MACF1: variants seen among roughly 807,000 people sequenced by gnomAD.
MACF1 encodes the protein microtubule-actin cross-linking factor 1.
A neutral mutation model predicts 854.8 loss-of-function variants in MACF1; 193 were observed. The observed-to-expected ratio is 0.23, with a 90% confidence interval of 0.20 to 0.25. The LOEUF (loss-of-function observed/expected upper bound fraction) is 0.25. MACF1 is among the 10% of genes least tolerant of loss of function. The probability of loss-of-function intolerance (pLI) is 1.00; values close to 1 mark genes in which losing one functional copy is unlikely to be tolerated. For synonymous variants in MACF1, 3,185 were observed against 3,226.7 expected (o/e 0.99, Z 0.44); for missense variants, 7,722 against 8,929.1 (o/e 0.86, Z 5.45).
intron 2 of MACF1, among the ~76,000 whole-genome samples, chr1:39,232,944 G>A (rs924783510): frequency 4.0e-5 from 6 of 151,588 alleles, no homozygotes; most frequent in East Asian, 1.9e-4. Flanking sequence ...TACCACACCC[G>A]GCTAATTTTT....
In MACF1 at chr1:39,347,293, C is replaced by T. The variant is rs572365630; in HGVS notation, c.10815+83C>T. 687 of 1,041,676 alleles carry T rather than the reference C, an allele frequency of 6.6e-4. 3 individuals are homozygous for T. Among genetic ancestry groups the T allele is most frequent in the Non-Finnish European group, 9.1e-4 (618 of 681,994 alleles). 64.5% of individuals were successfully genotyped at this position (1,041,676 alleles called of 1,614,324 possible). A position where few individuals can be genotyped will look rare whatever the true frequency, so the allele number is the denominator to read the frequency against. The stretch of plus-strand genomic sequence containing the variant: ...GGTTTTCTGGCCAGACTCTGTGTAT[C>T]ATGATTGCAGGAGCCTGGGTTTACC... On this transcript the variant is annotated intron_variant, in intron 41 of 100. Transcript: ENST00000564288.
At chr1:39,202,953 T>C (rs1644410447), upstream of MACF1, among the ~76,000 whole-genome samples, 1 of 152,136 alleles carries the variant, frequency 6.6e-6, no homozygotes, top group Non-Finnish European at 1.5e-5. Context: ...AGTGGTCCCG[T>C]CAAGGCCCCT....
At chr1:39,237,375 A>G (rs1002870320) in intron 2 of MACF1, among the ~76,000 whole-genome samples, 54 of 152,200 alleles carry the variant, frequency 3.5e-4, no homozygotes, top group Non-Finnish European at 5.1e-4. Flanking sequence ...TACAGTACTC[A>G]TTGAGGACTG....
At chr1:39,364,027 T>G (rs1488305893) in intron 49 of MACF1, among the ~76,000 whole-genome samples, 1 of 152,224 alleles carries the variant, frequency 6.6e-6, no homozygotes, top group Non-Finnish European at 1.5e-5. Context: ...TCAGAATAAG[T>G]TCCTAGAGTG....
rs189336549 is a variant in MACF1 at position 39,346,083 on chromosome 1, G to T, written c.10582-894G>T. ...GACTCTGTTTGAAAAAAAAAAAAAG[G>T]CCAGGCATGGTGGCTCACGCCTGTA... On this transcript the variant is annotated intron_variant, in intron 40 of 100. Coordinates refer to ENST00000564288, the MANE Select transcript of MACF1 (RefSeq NM_001394062.1). Among the ~76,000 whole-genome samples the T allele has an allele frequency of 2.7e-3, 403 of 150,802 alleles. 3 individuals carry two copies. The highest frequency in any genetic ancestry group is 4.4e-3 in the Non-Finnish European group (300 of 67,698).
chr1:39,266,841 G>A (rs1367197294), intron 6 of MACF1, among the ~76,000 whole-genome samples: 1 of 152,050 alleles, frequency 6.6e-6, no homozygotes, highest in Admixed American at 6.5e-5. Context: ...AAAAAAATTG[G>A]GGTGGAGGAA....
intron 68 of MACF1, among the ~76,000 whole-genome samples, chr1:39,433,536 G>GGATTGGTCAA (rs1643910578): frequency 6.6e-6 from 1 of 152,104 alleles, no homozygotes; most frequent in African/African-American, 2.4e-5. Flanking sequence ...AGTTTTAAAA[G>GGATTGGTCAA]GATTGGTCAA....
chr1:39,473,676 C>G (rs1447706357), intron 97 of MACF1, among the ~76,000 whole-genome samples: 3 of 143,816 alleles, frequency 2.1e-5, no homozygotes, highest in Non-Finnish European at 4.5e-5. Context: ...ATGAAGGTTG[C>G]GAGATCCATT....
At chr1:39,469,687 A>G (rs1221887634) in intron 97 of MACF1, 72 bp downstream of exon 97, 1 of 1,193,206 alleles carries the variant, frequency 8.4e-7, no homozygotes, top group Non-Finnish European at 1.2e-6. Flanking sequence ...CTTAAACTGT[A>G]ACATCTCTTG....
At chr1:39,369,701 G>C (rs2148534907) in intron 50 of MACF1, among the ~76,000 whole-genome samples, 1 of 152,316 alleles carries the variant, frequency 6.6e-6, no homozygotes, top group Admixed American at 6.5e-5. Flanking sequence ...AGCAGGGCCG[G>C]AATTGAGATC....
chr1:39,360,731 G>C, intron 47 of MACF1, 62 bp from the exon 48 acceptor site: 1 of 672,336 alleles, frequency 1.5e-6, no homozygotes, highest in Non-Finnish European at 2.3e-6. Context: ...TAATAATAAA[G>C]TCTTTAAAAG....
Position 39,154,632 on chromosome 1 carries a change from A to G in MACF1, c.220+70194A>G, listed in dbSNP as rs575343916. Reference sequence around the variant, plus strand: ...ATTGGTCTAGATCTTTCTCCTCGATAGTAACTGTCTGCTGACAGACTTGCC... The same window carrying G: ...ATTGGTCTAGATCTTTCTCCTCGATGGTAACTGTCTGCTGACAGACTTGCC... On this transcript the variant is annotated intron_variant, in intron 2 of 93. Coordinates refer to the MACF1 transcript ENST00000361689. 3.9e-5 allele frequency among the ~76,000 whole-genome samples: 6 copies of G among 152,254 alleles called. No homozygotes were observed. In the South Asian group the frequency reaches 1.2e-3, roughly 32 times the overall value.
At chr1:39,098,176 A>C (rs1641982122) in intron 2 of MACF1, among the ~76,000 whole-genome samples, 1 of 152,206 alleles carries the variant, frequency 6.6e-6, no homozygotes, top group South Asian at 2.1e-4. Flanking sequence ...ACTGACAAAG[A>C]AGCTGGGAGA....
At position 39,353,196 on chromosome 1, in the gene MACF1, C is replaced by A; in HGVS notation, c.11389C>A (p.Pro3797Thr). ...TGGTTACATGGGGGTGAATCAAGCC[C>A]CAGAGAAACTGGACAAGCAATGTGA... is the stretch of plus-strand genomic sequence containing the variant. ...TDGYMGVNQA[P>T]EKLDKQCEMM... Residue 3797 changes from proline (P) to threonine (T), a missense_variant, in exon 44 of 101, where the codon CCA becomes ACA. Coordinates refer to ENST00000564288, the MANE Select transcript of MACF1 (RefSeq NM_001394062.1). The A allele has an allele frequency of 6.2e-7, 1 of 1,608,742 alleles. No individual in the cohort carries two copies. Among genetic ancestry groups the A allele is most frequent in the Non-Finnish European group, 8.5e-7 (1 of 1,175,560 alleles).
At chr1:39,354,496 C>A (rs1647356048) in intron 44 of MACF1, among the ~76,000 whole-genome samples, 1 of 152,160 alleles carries the variant, frequency 6.6e-6, no homozygotes, top group Admixed American at 6.5e-5. Flanking sequence ...CCTCCATCTC[C>A]TGGAGTCAAG....
chr1:39,219,623 A>G (rs934565071), intron 1 of MACF1, among the ~76,000 whole-genome samples: 1 of 152,188 alleles, frequency 6.6e-6, no homozygotes, highest in Non-Finnish European at 1.5e-5. Context: ...AATTTCACCA[A>G]TTTCCTTTGC....
chr1:39,305,569 C>T (rs1304262401), intron 23 of MACF1, among the ~76,000 whole-genome samples: 1 of 152,192 alleles, frequency 6.6e-6, no homozygotes, highest in African/African-American at 2.4e-5. Context: ...TATGCAAACA[C>T]TTCTTCCGTT....
intron 2 of MACF1, among the ~76,000 whole-genome samples, chr1:39,176,264 T>C (rs1472718726): frequency 7.7e-6 from 1 of 129,114 alleles, no homozygotes; most frequent in East Asian, 2.4e-4. Context: ...AGTGGCAGAG[T>C]GAGACTCTGT....
At chr1:39,227,671 G>A (rs1644731694) in intron 1 of MACF1, among the ~76,000 whole-genome samples, 1 of 152,114 alleles carries the variant, frequency 6.6e-6, no homozygotes, top group Non-Finnish European at 1.5e-5. Context: ...TAAAGTTCGG[G>A]TTCCTTAAGC....
Sources: allele counts gnomAD v4.1 joint callset (sites outside exome capture counted in the v4.1 genomes callset), GRCh38; gene constraint gnomAD v4.1.1; transcripts MANE v1.5; gene names NCBI Gene and HGNC (gene_info 2026-07-23, HGNC 2026-07-21).